The following AKAP10 variants were observed in gnomAD, a reference collection of about 807,000 sequenced individuals.
The protein encoded by AKAP10 is A-kinase anchor protein 10, mitochondrial.
Under a neutral mutation model 80.8 loss-of-function variants are expected in AKAP10, and 24 were observed. That is an observed-to-expected ratio of 0.30 (90% CI 0.22 to 0.42). The LOEUF (loss-of-function observed/expected upper bound fraction) is 0.42, where lower values mean the gene tolerates loss of function less well. Among genes scored for constraint, AKAP10 ranks in the 10% least tolerant of loss-of-function variants. AKAP10 has a pLI of 1.00. For synonymous variants in AKAP10, 291 were observed against 277.7 expected, an observed-to-expected ratio of 1.05 and a Z score of -0.48; for missense variants, 661 against 794.9, an observed-to-expected ratio of 0.83 and a Z score of 2.03.
At chr17:19,960,606 T>G (rs2043336642) in intron 3 of AKAP10, among the ~76,000 whole-genome samples, 1 of 152,152 alleles carries the variant, frequency 6.6e-6, no homozygotes, top group African/African-American at 2.4e-5. Flanking sequence ...GAACATCCAG[T>G]TTTTCAATAT....
In AKAP10 at chr17:19,937,660, T is replaced by C. The variant is rs140460088; in HGVS notation, c.1323-1230A>G. Among the ~76,000 whole-genome samples, 22 of 152,336 alleles carry C rather than the reference T, an allele frequency of 1.4e-4. No individual in the cohort carries two copies. The East Asian group carries it at 4.0e-3, about 28-fold the overall frequency. The stretch of plus-strand genomic sequence containing the variant: ...AGACCAAATTTCTAAATGTAAACTC[T>C]TCCTATCTCAACATCTATATAACAA... On this transcript the variant is annotated intron_variant, in intron 8 of 14. Transcript: ENST00000225737.
chr17:19,915,087 A>G (rs928209927), intron 12 of AKAP10, among the ~76,000 whole-genome samples: 11 of 152,006 alleles, frequency 7.2e-5, no homozygotes, highest in Admixed American at 6.6e-4. Context: ...AGTAAAAGGC[A>G]CCTCTTTCTT....
At chr17:19,958,627 CAGAT>C in intron 3 of AKAP10, 56 bp from the exon 4 acceptor site, 1 of 1,462,060 alleles carries the variant, frequency 6.8e-7, no homozygotes. Flanking sequence ...TTCAGATTGA[CAGAT>C]TAGTCAATCA....
chr17:19,906,265 T>C, intron 14 of AKAP10, 33 bp from the exon 15 acceptor site: 4 of 1,595,782 alleles, frequency 2.5e-6, no homozygotes, highest in Non-Finnish European at 3.4e-6. Flanking sequence ...AATGGTAAGG[T>C]GCATTTCTCT....
At chr17:19,977,094 T>C (rs2043578196) in intron 1 of AKAP10, among the ~76,000 whole-genome samples, 1 of 152,140 alleles carries the variant, frequency 6.6e-6, no homozygotes. Flanking sequence ...ACTTTAGCAA[T>C]AAGTAATTTT....
chr17:19,917,532 T>A (rs2042758909), intron 12 of AKAP10, among the ~76,000 whole-genome samples: 2 of 152,192 alleles, frequency 1.3e-5, no homozygotes, highest in Admixed American at 1.3e-4. Flanking sequence ...TGCAATGGCG[T>A]GATCACAATT....
chr17:19,914,907 A>G (rs1022217439), intron 12 of AKAP10, among the ~76,000 whole-genome samples: 1 of 152,226 alleles, frequency 6.6e-6, no homozygotes, highest in African/African-American at 2.4e-5. Flanking sequence ...AGTGGTTCAA[A>G]GTAAGGTGAT....
chr17:19,912,611 G>A (rs971961871), intron 12 of AKAP10, among the ~76,000 whole-genome samples: 1 of 151,986 alleles, frequency 6.6e-6, no homozygotes, highest in Non-Finnish European at 1.5e-5. Context: ...TCAGCTACTC[G>A]AGAGGCTGAG....
At chr17:19,976,169 C>G (rs1378545984) in intron 1 of AKAP10, among the ~76,000 whole-genome samples, 2 of 152,278 alleles carry the variant, frequency 1.3e-5, no homozygotes, top group African/African-American at 4.8e-5. Flanking sequence ...AAACCAAGTT[C>G]GATTTTGTTT....
chr17:19,939,690 A>T, intron 8 of AKAP10, 23 bp downstream of exon 8: 1 of 1,608,408 alleles, frequency 6.2e-7, no homozygotes, highest in South Asian at 1.1e-5. Flanking sequence ...TATCTGCTGA[A>T]TCCATCTATC....
rs2042619067 is a variant in AKAP10 at position 19,905,101 on chromosome 17, C to T, written c.*1126G>A. 1 of 151,334 alleles carries T rather than the reference C, an allele frequency of 6.6e-6. No homozygotes were observed. Among genetic ancestry groups the T allele is most frequent in the Non-Finnish European group, 1.5e-5 (1 of 67,948 alleles). The allele number at this position is 151,334 out of a possible 1,614,324, so 9.4% of individuals were successfully genotyped here. A position where few individuals can be genotyped will look rare whatever the true frequency, so the allele number is the denominator to read the frequency against. ...AACTTTCTTTCCTCTCAATCATGTG[C>T]ATTGAGGAAGCGCTGGCGCCACGTG... On this transcript the variant is annotated 3_prime_UTR_variant, in exon 15 of 15. Coordinates refer to ENST00000225737, the MANE Select transcript of AKAP10 (RefSeq NM_007202.4).
intron 8 of AKAP10, among the ~76,000 whole-genome samples, chr17:19,938,342 T>C (rs2043015673): frequency 6.6e-6 from 1 of 151,924 alleles, no homozygotes; most frequent in South Asian, 2.1e-4. Context: ...GCTCGAGCAA[T>C]TCTCCTTCCT....
intron 4 of AKAP10, among the ~76,000 whole-genome samples, chr17:19,954,164 C>T (rs1383897189): frequency 6.6e-6 from 1 of 152,156 alleles, no homozygotes; most frequent in African/African-American, 2.4e-5. Flanking sequence ...ATAAAAACTT[C>T]CCAATTCGTT....
chr17:19,958,787 T>A (rs1179086771), intron 3 of AKAP10, among the ~76,000 whole-genome samples: 2 of 152,074 alleles, frequency 1.3e-5, no homozygotes, highest in African/African-American at 4.8e-5. Context: ...AAAAAGTTAT[T>A]TGTTACTCAA....
intron 12 of AKAP10, among the ~76,000 whole-genome samples, chr17:19,918,407 G>A (rs1418850309): frequency 1.3e-5 from 2 of 152,016 alleles, no homozygotes; most frequent in East Asian, 3.9e-4. Flanking sequence ...TAGCCATGGC[G>A]CCTGTAATCC....
chr17:19,933,690 C>A (rs757135119), intron 9 of AKAP10, among the ~76,000 whole-genome samples: 3 of 152,090 alleles, frequency 2.0e-5, no homozygotes, highest in Non-Finnish European at 2.9e-5. Context: ...ATTCTGTTTA[C>A]TACTAGCTAT....
intron 11 of AKAP10, among the ~76,000 whole-genome samples, chr17:19,922,713 A>G (rs552242972): frequency 7.7e-4 from 118 of 152,292 alleles, no homozygotes; most frequent in Admixed American, 2.1e-3. Flanking sequence ...ATCCTGGCTA[A>G]CACGGTGAAA....
Position 19,953,028 on chromosome 17 carries a change from T to TAATTCAA in AKAP10, c.877+4985_877+4986insTTGAATT, listed in dbSNP as rs1408882656. On this transcript the variant is annotated intron_variant, in intron 4 of 14. Transcript: ENST00000225737. ...TTTAAAAAATTTTTTAATGTTATTTTTAAAAATTAATAAATGAAATCATTC... is the reference window on the plus strand; with the variant it reads ...TTTAAAAAATTTTTTAATGTTATTTTAATTCAATAAAAATTAATAAATGAAATCATTC... Among the ~76,000 whole-genome samples the TAATTCAA allele has an allele frequency of 2.6e-4, 40 of 152,228 alleles. 1 individual carries two copies. In the Middle Eastern group the frequency reaches 0.014, roughly 52 times the overall value.
At chr17:19,920,159 A>G (rs777027175) in intron 11 of AKAP10, 41 bp from the exon 12 acceptor site, 4 of 1,446,598 alleles carry the variant, frequency 2.8e-6, no homozygotes, top group Non-Finnish European at 3.9e-6. Context: ...TCTAACAATC[A>G]GTTTTAAATT....
Sources: allele counts gnomAD v4.1 joint callset (sites outside exome capture counted in the v4.1 genomes callset), GRCh38; gene constraint gnomAD v4.1.1; transcripts MANE v1.5; gene names NCBI Gene and HGNC (gene_info 2026-07-23, HGNC 2026-07-21).